Variants in SYNDIG1 observed in about 807,000 individuals in gnomAD.
SYNDIG1 encodes the protein synapse differentiation inducing 1.
A neutral mutation model predicts 19.4 loss-of-function variants in SYNDIG1; 9 were observed. The ratio of observed to expected loss-of-function variants is 0.46; its 90% CI spans 0.28 to 0.81. The LOEUF is 0.81. Among genes scored for constraint, SYNDIG1 ranks in the 30% least tolerant of loss-of-function variants. The probability of loss-of-function intolerance (pLI) is 0.12; values close to 1 mark genes in which losing one functional copy is unlikely to be tolerated. For missense variants in SYNDIG1, 311 were observed against 343.3 expected (o/e 0.91, Z 0.74); for synonymous variants, 141 against 145.9 (o/e 0.97, Z 0.24).
chr20:24,552,784 CT>C (rs1480308402), intron 2 of SYNDIG1, among the ~76,000 whole-genome samples: 27 of 152,256 alleles, frequency 1.8e-4, no homozygotes, highest in African/African-American at 6.5e-4. Flanking sequence ...ATGCATGTGT[CT>C]TTATAGCAGC....
At chr20:24,622,821 C>T (rs1046245908) in intron 3 of SYNDIG1, among the ~76,000 whole-genome samples, 2 of 152,030 alleles carry the variant, frequency 1.3e-5, no homozygotes, top group Non-Finnish European at 2.9e-5. Flanking sequence ...CAATATTAGT[C>T]ATAGACACCA....
At chr20:24,502,635 T>G (rs2056482956) in intron 1 of SYNDIG1, among the ~76,000 whole-genome samples, 1 of 152,252 alleles carries the variant, frequency 6.6e-6, no homozygotes, top group Admixed American at 6.5e-5. Context: ...CAAGCTATTT[T>G]AGTGATTTTT....
chr20:24,505,903 T>C (rs1266954919), intron 1 of SYNDIG1, among the ~76,000 whole-genome samples: 2 of 152,220 alleles, frequency 1.3e-5, no homozygotes, highest in Non-Finnish European at 1.5e-5. Context: ...TCTGCCAAAT[T>C]CTGTGGTTTG....
chr20:24,573,270 G>C (rs1226560073), intron 2 of SYNDIG1, among the ~76,000 whole-genome samples: 5 of 152,206 alleles, frequency 3.3e-5, no homozygotes, highest in African/African-American at 1.2e-4. Flanking sequence ...ATAGAAGGCT[G>C]CATCCCTATT....
intron 3 of SYNDIG1, among the ~76,000 whole-genome samples, chr20:24,624,771 A>G (rs903290691): frequency 6.6e-6 from 1 of 152,254 alleles, no homozygotes; most frequent in Non-Finnish European, 1.5e-5. Context: ...CACGTGAAGC[A>G]GTCACAATAT....
At chr20:24,651,123 A>G (rs950238103) in intron 3 of SYNDIG1, among the ~76,000 whole-genome samples, 1 of 152,102 alleles carries the variant, frequency 6.6e-6, no homozygotes, top group Non-Finnish European at 1.5e-5. Flanking sequence ...ATTTGTTTTT[A>G]TCATGTTTCC....
At chr20:24,551,851 T>C (rs1426721582) in intron 2 of SYNDIG1, among the ~76,000 whole-genome samples, 1 of 152,256 alleles carries the variant, frequency 6.6e-6, no homozygotes, top group African/African-American at 2.4e-5. Context: ...ACATAGTTTG[T>C]ATAATTTCTC....
chr20:24,516,482 A>G (rs1488253815), intron 1 of SYNDIG1, among the ~76,000 whole-genome samples: 1 of 152,252 alleles, frequency 6.6e-6, no homozygotes, highest in Admixed American at 6.5e-5. Flanking sequence ...CGAGAAAAAA[A>G]CAACCCTATC....
At chr20:24,548,827 A>G (rs1473213788) in intron 2 of SYNDIG1, among the ~76,000 whole-genome samples, 2 of 152,186 alleles carry the variant, frequency 1.3e-5, no homozygotes, top group Non-Finnish European at 2.9e-5. Context: ...ATGAAAGGTG[A>G]TGTTTTTGTA....
At chr20:24,507,357 C>G (rs2056618466) in intron 1 of SYNDIG1, among the ~76,000 whole-genome samples, 1 of 152,254 alleles carries the variant, frequency 6.6e-6, no homozygotes, top group South Asian at 2.1e-4. Context: ...CTTTCTGATT[C>G]ATCATCTATA....
intron 3 of SYNDIG1, among the ~76,000 whole-genome samples, chr20:24,605,650 A>G (rs2058747343): frequency 6.6e-6 from 1 of 152,246 alleles, no homozygotes; most frequent in Non-Finnish European, 1.5e-5. Context: ...ATAAATGAAC[A>G]AATACATCAT....
At position 24,658,565 on chromosome 20, in the gene SYNDIG1, G is replaced by A. The variant is rs1018125675; in HGVS notation, c.619-6781G>A. Among the ~76,000 whole-genome samples, 16 of 152,060 alleles carry A rather than the reference G, an allele frequency of 1.1e-4. No individual in the cohort carries two copies. In the East Asian group the frequency reaches 2.3e-3, roughly 22 times the overall value. On this transcript the variant is annotated intron_variant, in intron 3 of 3. Coordinates refer to ENST00000376862, the MANE Select transcript of SYNDIG1 (RefSeq NM_024893.3). This position sits in a 1 kb window ranked among gnomAD's most constrained non-coding sequence, Gnocchi z 4.4. ...CCCCTGTGTCCTTCATCTTGCAGCC[G>A]TTTCATTATCTCCACCCTGACATCG...
At chr20:24,641,298 T>C (rs1206490104) in intron 3 of SYNDIG1, among the ~76,000 whole-genome samples, 1 of 152,102 alleles carries the variant, frequency 6.6e-6, no homozygotes, top group African/African-American at 2.4e-5. Flanking sequence ...GATGGATGGA[T>C]GGATGGATGG....
At chr20:24,498,581 T>C (rs975746365) in intron 1 of SYNDIG1, among the ~76,000 whole-genome samples, 6 of 152,186 alleles carry the variant, frequency 3.9e-5, no homozygotes, top group Admixed American at 6.5e-5. Flanking sequence ...CTATGTTAGA[T>C]TCCTCATGTC....
intron 2 of SYNDIG1, among the ~76,000 whole-genome samples, chr20:24,554,455 T>A (rs1163661694): frequency 6.6e-6 from 1 of 152,240 alleles, no homozygotes; most frequent in Non-Finnish European, 1.5e-5. Flanking sequence ...CATAGATTGC[T>A]CTTATTATTT....
intron 3 of SYNDIG1, among the ~76,000 whole-genome samples, chr20:24,617,891 C>G (rs965681484): frequency 7.3e-6 from 1 of 137,928 alleles, no homozygotes; most frequent in Non-Finnish European, 1.6e-5. Context: ...GGGTTGAGAG[C>G]CCGGGGAGCG....
intron 2 of SYNDIG1, among the ~76,000 whole-genome samples, chr20:24,568,409 T>G (rs1416829350): frequency 6.6e-6 from 1 of 152,130 alleles, no homozygotes; most frequent in African/African-American, 2.4e-5. Context: ...GCATGGGCTG[T>G]GGAGAGGTGT....
intron 2 of SYNDIG1, among the ~76,000 whole-genome samples, chr20:24,581,588 C>A: frequency 6.6e-6 from 1 of 152,162 alleles, no homozygotes; most frequent in East Asian, 1.9e-4. Context: ...CTGACACCCC[C>A]GAAGCCACAT....
chr20:24,473,675 C>G (rs970747884), intron 1 of SYNDIG1, among the ~76,000 whole-genome samples: 5 of 152,152 alleles, frequency 3.3e-5, no homozygotes, highest in Non-Finnish European at 7.3e-5. Context: ...CTCCCTCTTT[C>G]CCCCTGGGCC....
Sources: allele counts gnomAD v4.1 joint callset (sites outside exome capture counted in the v4.1 genomes callset), GRCh38; gene constraint gnomAD v4.1.1; non-coding constraint Gnocchi (gnomAD v3.1); transcripts MANE v1.5; gene names NCBI Gene and HGNC (gene_info 2026-07-23, HGNC 2026-07-21).